ENPP1: variants seen among roughly 807,000 people sequenced by gnomAD.
ENPP1 encodes the protein ectonucleotide pyrophosphatase/phosphodiesterase family member 1.
ENPP1 carries 73 observed loss-of-function variants against 122.8 expected under a neutral mutation model. The observed-to-expected ratio is 0.59, with a 90% confidence interval of 0.49 to 0.72. ENPP1 has a LOEUF of 0.72. Ranked by LOEUF, ENPP1 falls within the 30% of genes least tolerant of loss-of-function variation. The probability of loss-of-function intolerance (pLI) is 0.00; values close to 1 mark genes in which losing one functional copy is unlikely to be tolerated. For synonymous variants in ENPP1, 367 were observed against 391.6 expected (o/e 0.94, Z 0.74); for missense variants, 978 against 1,128.1 (o/e 0.87, Z 1.91).
In ENPP1 at chr6:131,836,034, CTTTA is replaced by C. The variant is rs573578472; in HGVS notation, c.241-11738_241-11735del. ...CGTAAAACTTCTCAACCTTCTCTGA[CTTTA>C]TTTCTCTTGTCTTCTGTTCTTTTAA... On this transcript the variant is annotated intron_variant, in intron 1 of 24. Coordinates refer to ENST00000647893, the MANE Select transcript of ENPP1 (RefSeq NM_006208.3). Among the ~76,000 whole-genome samples, 56 of 152,132 alleles carry C rather than the reference CTTTA, an allele frequency of 3.7e-4. 2 individuals carry two copies. The South Asian group carries it at 0.01, about 28-fold the overall frequency.
rs1477517579 is a variant in ENPP1 at position 131,891,174 on chromosome 6, C to T, written c.*663C>T. On this transcript the variant is annotated 3_prime_UTR_variant, in exon 25 of 25. Transcript: ENST00000647893. ...CTTTGAGGGACGATCTTTGAATATA[C>T]TTACCTATTATAAAATCTTACTTTG... 5 of 152,160 alleles carry T rather than the reference C, an allele frequency of 3.3e-5. No homozygotes were observed. The allele number at this position is 152,160 out of a possible 1,614,324, so 9.4% of individuals were successfully genotyped here.
At chr6:131,836,259 C>T (rs535908584) in intron 1 of ENPP1, among the ~76,000 whole-genome samples, 1 of 152,086 alleles carries the variant, frequency 6.6e-6, no homozygotes, top group South Asian at 2.1e-4. Flanking sequence ...ATTACAGGCA[C>T]CCACTGCCAT....
intron 15 of ENPP1, 106 bp downstream of exon 15, chr6:131,873,156 A>G (rs1207812530): frequency 3.2e-6 from 4 of 1,265,798 alleles, no homozygotes; most frequent in Non-Finnish European, 4.6e-6. Context: ...CTGTATAAGT[A>G]TGATTCTCTT....
chr6:131,831,488 A>G (rs1781613726), intron 1 of ENPP1, among the ~76,000 whole-genome samples: 1 of 152,202 alleles, frequency 6.6e-6, no homozygotes, highest in Non-Finnish European at 1.5e-5. Context: ...CCATCCAGGA[A>G]TACCACATTA....
chr6:131,885,540 A>G (rs1782366167), intron 23 of ENPP1, among the ~76,000 whole-genome samples: 1 of 152,146 alleles, frequency 6.6e-6, no homozygotes, highest in Non-Finnish European at 1.5e-5. Context: ...ATAAAAAGCA[A>G]CCGTCTGAAG....
At chr6:131,856,973 G>A (rs1003219604) in intron 6 of ENPP1, among the ~76,000 whole-genome samples, 7 of 152,090 alleles carry the variant, frequency 4.6e-5, no homozygotes, top group African/African-American at 9.6e-5. Context: ...GGCGATGCGG[G>A]CTCTTTTTTG....
In ENPP1 at chr6:131,861,678, C is replaced by T. The variant is rs1585824154; in HGVS notation, c.999C>T (p.Phe333=). The change falls in exon 9 of 25, where the codon TTC becomes TTT. Residue 333 remains phenylalanine (F), a synonymous_variant. Transcript: ENST00000647893. ...PGSDVEINGI[F]PDIYKMYNGS... ...CAGATGTGGAAATTAACGGAATTTT[C>T]CCAGACATCTATAAAATGTATAATG... 9 of 1,610,062 alleles carry T rather than the reference C, an allele frequency of 5.6e-6. No homozygotes were observed. The highest frequency in any genetic ancestry group is 4.0e-5 in the African/African-American group (3 of 74,940).
chr6:131,814,815 T>C (rs1435433110), intron 1 of ENPP1, among the ~76,000 whole-genome samples: 2 of 152,210 alleles, frequency 1.3e-5, no homozygotes, highest in East Asian at 3.8e-4. Flanking sequence ...TTGTTTCACA[T>C]GTTCTAATAA....
intron 1 of ENPP1, among the ~76,000 whole-genome samples, chr6:131,840,710 G>A (rs927527672): frequency 1.3e-5 from 2 of 152,192 alleles, no homozygotes; most frequent in Non-Finnish European, 2.9e-5. Context: ...AATGCAAGCC[G>A]CCTGAGACCA....
chr6:131,857,655 T>G (rs1781965270), intron 6 of ENPP1, among the ~76,000 whole-genome samples: 1 of 148,006 alleles, frequency 6.8e-6, no homozygotes, highest in Admixed American at 6.8e-5. Flanking sequence ...TGTTGTGGGG[T>G]GGGGTGAGGG....
At chr6:131,824,234 G>A (rs955898714) in intron 1 of ENPP1, among the ~76,000 whole-genome samples, 1 of 152,096 alleles carries the variant, frequency 6.6e-6, no homozygotes, top group Non-Finnish European at 1.5e-5. Context: ...GCCTTGTCCA[G>A]GAGGTCTGAG....
chr6:131,844,805 G>A (rs992196917), intron 1 of ENPP1, among the ~76,000 whole-genome samples: 1 of 152,128 alleles, frequency 6.6e-6, no homozygotes, highest in Non-Finnish European at 1.5e-5. Flanking sequence ...CAGAGGGAGT[G>A]ACACTGCCAC....
rs1782480322 is a variant in ENPP1 at position 131,892,226 on chromosome 6, G to T, written c.*1715G>T. The T allele has an allele frequency of 1.3e-5, 2 of 151,978 alleles. No homozygotes were observed. Among genetic ancestry groups the T allele is most frequent in the African/African-American group, 4.8e-5 (2 of 41,358 alleles). 9.4% of individuals were successfully genotyped at this position (151,978 alleles called of 1,614,324 possible). On this transcript the variant is annotated 3_prime_UTR_variant, in exon 25 of 25. Coordinates refer to ENST00000647893, the MANE Select transcript of ENPP1 (RefSeq NM_006208.3). The stretch of plus-strand genomic sequence containing the variant: ...TTTTATTGAAACCTGGATATTTTTA[G>T]GTATTATGTTATGAGACTATGGGTC...
intron 1 of ENPP1, among the ~76,000 whole-genome samples, chr6:131,818,016 A>G (rs1159798613): frequency 6.6e-6 from 1 of 152,062 alleles, no homozygotes; most frequent in Non-Finnish European, 1.5e-5. Flanking sequence ...TTTCAGGTGA[A>G]TATTTTTGAG....
rs1782487353 is a variant in ENPP1, at chr6:131,892,705, A to G, written c.*2194A>G. 6.6e-6 allele frequency: 1 copy of G among 152,162 alleles called. No homozygotes were observed. The highest frequency in any genetic ancestry group is 1.5e-5 in the Non-Finnish European group (1 of 68,048). The allele number at this position is 152,162 out of a possible 1,614,324, so 9.4% of individuals were successfully genotyped here. A position where few individuals can be genotyped will look rare whatever the true frequency, so the allele number is the denominator to read the frequency against. On this transcript the variant is annotated 3_prime_UTR_variant, in exon 25 of 25. Coordinates refer to ENST00000647893, the MANE Select transcript of ENPP1 (RefSeq NM_006208.3). ...CTGTTCCCTTTGCTGGATACCAAGAATACAAAAGTCAGGGAGTTGGGGCAC... is the reference window on the plus strand; with the variant it reads ...CTGTTCCCTTTGCTGGATACCAAGAGTACAAAAGTCAGGGAGTTGGGGCAC...
chr6:131,849,552 A>G (rs1781854749), intron 2 of ENPP1, among the ~76,000 whole-genome samples: 1 of 152,192 alleles, frequency 6.6e-6, no homozygotes, highest in Admixed American at 6.5e-5. Context: ...TTTCCTTTCT[A>G]AAATATTCTT....
intron 8 of ENPP1, 150 bp downstream of exon 8, chr6:131,860,656 A>C: frequency 1.6e-6 from 1 of 640,888 alleles, no homozygotes; most frequent in East Asian, 2.8e-5. Flanking sequence ...AATGCTGATA[A>C]TCCTAAACAT....
chr6:131,878,160 C>T (rs374026985), intron 18 of ENPP1, among the ~76,000 whole-genome samples: 10 of 151,648 alleles, frequency 6.6e-5, no homozygotes, highest in Admixed American at 2.6e-4. Context: ...TTTGGGAGGC[C>T]GAGGTGAGAG....
At chr6:131,833,280 T>C (rs1023195313) in intron 1 of ENPP1, among the ~76,000 whole-genome samples, 4 of 152,218 alleles carry the variant, frequency 2.6e-5, no homozygotes, top group Non-Finnish European at 5.9e-5. Context: ...GACTCATTGA[T>C]TTGTAGTTCT....
Sources: gnomAD v4.1 joint callset for allele counts (sites outside exome capture counted in the v4.1 genomes callset) on GRCh38, gnomAD v4.1.1 for gene constraint, MANE v1.5 for transcripts, NCBI Gene and HGNC (gene_info 2026-07-23, HGNC 2026-07-21) for gene names.